SLC2A9: variants seen among roughly 807,000 people sequenced by gnomAD.
SLC2A9 encodes solute carrier family 2, facilitated glucose transporter member 9.
SLC2A9 carries 39 observed loss-of-function variants against 50.6 expected under a neutral mutation model. The ratio of observed to expected loss-of-function variants is 0.77; its 90% CI spans 0.60 to 1.01. The LOEUF is 1.01. Ranked by LOEUF, SLC2A9 falls within the 50% of genes least tolerant of loss-of-function variation. SLC2A9 has a pLI of 0.00. For synonymous variants in SLC2A9, 324 were observed against 276.9 expected (o/e 1.17, Z -1.69); for missense variants, 686 against 677.6 (o/e 1.01, Z -0.14).
chr4:9,785,246 C>CTGTT (rs1466919940), intron 3 of SLC2A9, among the ~76,000 whole-genome samples: 1 of 152,296 alleles, frequency 6.6e-6, no homozygotes, highest in East Asian at 1.9e-4. Context: ...AACTAGATCA[C>CTGTT]TGTTTACCCA....
chr4:9,771,743 A>G lies in SLC2A9; in HGVS notation n.182-374T>C, dbSNP rs114684248. ...GGCAGGTGCAGCGTGCTGCAGAAAT[A>G]CAGAGGGTGGCTACTACCCTGGAGT... is the stretch of plus-strand genomic sequence containing the variant. On this transcript the variant is annotated intron_variant and non_coding_transcript_variant, in intron 1 of 1. Transcript: ENST00000508585. 9.5e-3 allele frequency among the ~76,000 whole-genome samples: 1,440 copies of G among 152,290 alleles called. 22 individuals carry two copies. Among genetic ancestry groups the G allele is most frequent in the African/African-American group, 0.033 (1,353 of 41,558 alleles).
intron 9 of SLC2A9, among the ~76,000 whole-genome samples, chr4:9,889,784 A>T (rs1737023111): frequency 6.6e-6 from 1 of 152,252 alleles, no homozygotes; most frequent in Admixed American, 6.5e-5. Context: ...CATGGCACCA[A>T]GATGAGTTGG....
chr4:9,929,573 C>G (rs1745525013), intron 6 of SLC2A9, among the ~76,000 whole-genome samples: 1 of 152,214 alleles, frequency 6.6e-6, no homozygotes, highest in Admixed American at 6.5e-5. Flanking sequence ...GGTGGGCAAA[C>G]ATTGGCCCAT....
chr4:9,840,292 C>T (rs1389458454), intron 10 of SLC2A9, among the ~76,000 whole-genome samples: 1 of 152,192 alleles, frequency 6.6e-6, no homozygotes, highest in East Asian at 1.9e-4. Context: ...ATTCATTTAT[C>T]TCTCTTACTG....
rs145154883 is a variant in SLC2A9, at chr4:9,894,985, G to A, written c.1114-4274C>T. ...CTTATCATGTGTTACATTGTTTTAC[G>A]GAAATTAACATATATGTTTACTGAT... is the stretch of plus-strand genomic sequence containing the variant. On this transcript the variant is annotated intron_variant, in intron 8 of 11. Transcript: ENST00000264784. 6.1e-3 allele frequency among the ~76,000 whole-genome samples: 930 copies of A among 152,142 alleles called. 5 individuals are homozygous for A. The highest frequency in any genetic ancestry group is 0.01 in the Non-Finnish European group (680 of 67,992).
At chr4:9,826,873 C>A (rs1293430919) in intron 11 of SLC2A9, among the ~76,000 whole-genome samples, 1 of 152,106 alleles carries the variant, frequency 6.6e-6, no homozygotes, top group Non-Finnish European at 1.5e-5. Flanking sequence ...AAAAATTAAT[C>A]ATCACGAAAG....
intron 3 of SLC2A9, among the ~76,000 whole-genome samples, chr4:9,991,652 A>G (rs1757735926): frequency 6.6e-6 from 1 of 152,140 alleles, no homozygotes; most frequent in African/African-American, 2.4e-5. Flanking sequence ...CTTTAAAGAG[A>G]TAATTAAACT....
At chr4:10,021,629 C>T, upstream of SLC2A9, 1 of 765,308 alleles carries the variant, frequency 1.3e-6, no homozygotes, top group Non-Finnish European at 2.1e-6. Flanking sequence ...TGAAACAGTC[C>T]AAAAAGGGAA....
chr4:9,901,913 G>C (rs1414175912), intron 8 of SLC2A9, among the ~76,000 whole-genome samples: 2 of 152,164 alleles, frequency 1.3e-5, no homozygotes, highest in Non-Finnish European at 2.9e-5. Context: ...TTGGTTTCTT[G>C]GTTCACTTTC....
At chr4:9,895,958 T>C (rs1738474238) in intron 8 of SLC2A9, among the ~76,000 whole-genome samples, 3 of 152,246 alleles carry the variant, frequency 2.0e-5, no homozygotes, top group Admixed American at 1.3e-4. Context: ...AACAGTTCTT[T>C]TGTATTGCTG....
In SLC2A9 at chr4:9,800,850, T is replaced by C. The variant is rs542382207; in HGVS notation, n.421-1609A>G. 2.6e-5 allele frequency among the ~76,000 whole-genome samples: 4 copies of C among 152,294 alleles called. No homozygotes were observed. In the South Asian group the frequency reaches 6.2e-4, roughly 24 times the overall value. ...TTTATATCAGGGACTTGAGCATTTGTGGATTTTGTATCCTTGGGGTCCTGA... is the reference window on the plus strand; with the variant it reads ...TTTATATCAGGGACTTGAGCATTTGCGGATTTTGTATCCTTGGGGTCCTGA... On this transcript the variant is annotated intron_variant and non_coding_transcript_variant, in intron 3 of 3. Transcript: ENST00000503280.
At position 9,996,837 on chromosome 4, in the gene SLC2A9, G is replaced by A. The variant is rs766684496; in HGVS notation, c.354C>T (p.Ala118=). ...LLWSVTVSIF[A]IGGLVGTLIV... ...TTAACGTCCCCACAAGTCCACCGAT[G>A]GCGAATATGGACACAGTCACAGACC... The change falls in exon 3 of 12, where the codon GCC becomes GCT. Residue 118 remains alanine, a synonymous_variant. Coordinates refer to ENST00000264784, the MANE Select transcript of SLC2A9 (RefSeq NM_020041.3). 1 of 1,614,172 alleles carries A rather than the reference G, an allele frequency of 6.2e-7. No individual in the cohort carries two copies. The highest frequency in any genetic ancestry group is 8.5e-7 in the Non-Finnish European group (1 of 1,180,012).
intron 5 of SLC2A9, among the ~76,000 whole-genome samples, chr4:9,962,225 C>A (rs964070295): frequency 6.6e-6 from 1 of 152,102 alleles, no homozygotes. Context: ...GGGTATATAC[C>A]CAAATGAATA....
At chr4:9,823,826 A>G (rs1244640883), downstream of SLC2A9, among the ~76,000 whole-genome samples, 2 of 152,204 alleles carry the variant, frequency 1.3e-5, no homozygotes, top group Admixed American at 1.3e-4. Flanking sequence ...AGACAAGAAG[A>G]TTGTAATTGT....
intron 7 of SLC2A9, among the ~76,000 whole-genome samples, chr4:9,916,165 G>A (rs886593956): frequency 9.2e-5 from 14 of 152,120 alleles, no homozygotes; most frequent in Admixed American, 1.3e-4. Flanking sequence ...ACAGGTCCTC[G>A]TCTACCCTAG....
At chr4:9,957,956 A>G (rs996787070) in intron 5 of SLC2A9, among the ~76,000 whole-genome samples, 6 of 152,234 alleles carry the variant, frequency 3.9e-5, no homozygotes. Flanking sequence ...CTGAAGAGAA[A>G]GATTCTCACC....
rs1738061745 is a variant in SLC2A9, at chr4:9,894,043, A to C, written c.1114-3332T>G. 3.3e-5 allele frequency among the ~76,000 whole-genome samples: 5 copies of C among 152,210 alleles called. No homozygotes were observed. In the South Asian group the frequency reaches 1.0e-3, roughly 32 times the overall value. On this transcript the variant is annotated intron_variant, in intron 8 of 11. Transcript: ENST00000264784. ...TAGATGCTGTTTTACACCAAGGGGC[A>C]GTTGCAAACGTCCACACCCTTGGAC...
At chr4:9,879,636 C>T (rs978698181) in intron 10 of SLC2A9, 146 of 985,198 alleles carry the variant, frequency 1.5e-4, no homozygotes, top group Non-Finnish European at 1.7e-4. Context: ...GACCTTAATT[C>T]GCACCTTGAT....
At chr4:9,945,806 G>C (rs987628093) in intron 5 of SLC2A9, among the ~76,000 whole-genome samples, 1 of 152,170 alleles carries the variant, frequency 6.6e-6, no homozygotes, top group Admixed American at 6.5e-5. Flanking sequence ...CATTAGATGG[G>C]CATGGCCTGA....
Sources: allele counts gnomAD v4.1 joint callset (sites outside exome capture counted in the v4.1 genomes callset), GRCh38; gene constraint gnomAD v4.1.1; transcripts MANE v1.5; gene names NCBI Gene and HGNC (gene_info 2026-07-23, HGNC 2026-07-21).